The following DNAH6 variants were observed in gnomAD, a reference collection of about 807,000 sequenced individuals.
DNAH6 encodes the protein dynein axonemal heavy chain 6.
DNAH6 carries 340 observed loss-of-function variants against 491.4 expected under a neutral mutation model. The ratio of observed to expected loss-of-function variants is 0.69; its 90% CI spans 0.63 to 0.76. The LOEUF (loss-of-function observed/expected upper bound fraction) is 0.76, where lower values mean the gene tolerates loss of function less well. Ranked by LOEUF, DNAH6 falls within the 30% of genes least tolerant of loss-of-function variation. The probability of loss-of-function intolerance (pLI) is 0.00; values close to 1 mark genes in which losing one functional copy is unlikely to be tolerated. For missense variants in DNAH6, 4,443 were observed against 4,972.2 expected, an observed-to-expected ratio of 0.89 and a Z score of 3.20; for synonymous variants, 1,603 against 1,686.1, an observed-to-expected ratio of 0.95 and a Z score of 1.21.
chr2:84,645,173 A>T (rs1573342015), intron 33 of DNAH6, among the ~76,000 whole-genome samples: 1 of 151,996 alleles, frequency 6.6e-6, no homozygotes, highest in African/African-American at 2.4e-5. Flanking sequence ...TAATCCCAAC[A>T]CTTTGGGAGG....
intron 52 of DNAH6, 61 bp downstream of exon 52, chr2:84,705,808 A>G: frequency 6.7e-7 from 1 of 1,487,898 alleles, no homozygotes; most frequent in Admixed American, 2.4e-5. Flanking sequence ...AGTCATTTCA[A>G]GTTCTCTGTA....
At chr2:84,610,929 C>A (rs561323487) in intron 21 of DNAH6, among the ~76,000 whole-genome samples, 2 of 152,100 alleles carry the variant, frequency 1.3e-5, no homozygotes, top group African/African-American at 4.8e-5. Flanking sequence ...TGAGGAACCC[C>A]CAGAGAATGA....
At chr2:84,534,517 A>T (rs779127824) in intron 4 of DNAH6, among the ~76,000 whole-genome samples, 2 of 152,124 alleles carry the variant, frequency 1.3e-5, no homozygotes, top group Non-Finnish European at 2.9e-5. Flanking sequence ...AGACAAACTC[A>T]GTTTATCAGC....
intron 34 of DNAH6, among the ~76,000 whole-genome samples, chr2:84,654,439 T>G (rs1690753813): frequency 6.6e-6 from 1 of 152,164 alleles, no homozygotes; most frequent in Non-Finnish European, 1.5e-5. Flanking sequence ...AGTTTGACAG[T>G]ATCCTCCTGT....
chr2:84,744,731 C>T (rs1310691359), intron 62 of DNAH6, among the ~76,000 whole-genome samples: 1 of 151,870 alleles, frequency 6.6e-6, no homozygotes, highest in Non-Finnish European at 1.5e-5. Context: ...CTACTTTGTC[C>T]CATTTAATTA....
chr2:84,686,781 TG>T (rs1694299173), intron 44 of DNAH6, among the ~76,000 whole-genome samples: 1 of 152,248 alleles, frequency 6.6e-6, no homozygotes, highest in Non-Finnish European at 1.5e-5. Flanking sequence ...GATTTTTATA[TG>T]GTTGCTTTTG....
chr2:84,663,432 G>C (rs1248353445), intron 37 of DNAH6, among the ~76,000 whole-genome samples: 2 of 152,136 alleles, frequency 1.3e-5, no homozygotes, highest in South Asian at 4.1e-4. Flanking sequence ...ACCATGGCAC[G>C]AGAACTACGT....
Position 84,619,914 on chromosome 2 carries a change from T to A in DNAH6, c.3792+10T>A, listed in dbSNP as rs1489337700. The A allele has an allele frequency of 1.9e-5, 30 of 1,543,474 alleles. No homozygotes were observed. Among genetic ancestry groups the A allele is most frequent in the Non-Finnish European group, 2.5e-5 (29 of 1,140,288 alleles). ...ACCAGAGGGAGAAAGGGTGAGGTGC[T>A]TTTATTTATATTTCTTTATTGATGA... On this transcript the variant is annotated intron_variant, in intron 24 of 76. Coordinates refer to ENST00000389394, the MANE Select transcript of DNAH6 (RefSeq NM_001370.2).
At chr2:84,720,381 C>T (rs1463776101) in intron 59 of DNAH6, among the ~76,000 whole-genome samples, 1 of 147,220 alleles carries the variant, frequency 6.8e-6, no homozygotes, top group East Asian at 2.0e-4. Context: ...CGGGTTCACG[C>T]CATTCTCCTG....
At chr2:84,485,186 G>A in the DNAH6 span, among the ~76,000 whole-genome samples, 1 of 152,182 alleles carries the variant, frequency 6.6e-6, no homozygotes, top group Non-Finnish European at 1.5e-5. Flanking sequence ...TTTATGCCAT[G>A]ACAGTGATCA....
Position 84,619,845 on chromosome 2 carries a change from G to T in DNAH6, c.3733G>T (p.Glu1245Ter). Residue 1245 changes from glutamate (E) to a stop codon, truncating the protein, a stop_gained, in exon 24 of 77, where the codon GAA becomes TAA. Transcript: ENST00000389394. LOFTEE classifies it high-confidence loss of function. The part of the protein sequence containing the change: ...AEGKIPGIDG[E>*]PEKVYTNDIL... ...AGGAAAGATTCCTGGTATTGATGGA[G>T]AACCAGAAAAGGTTTATACTAATGA... is the stretch of plus-strand genomic sequence containing the variant. 6.4e-7 allele frequency: 1 copy of T among 1,551,398 alleles called. No individual in the cohort carries two copies. Among genetic ancestry groups the T allele is most frequent in the African/African-American group, 1.4e-5 (1 of 73,116 alleles).
At chr2:84,471,245 A>G in the DNAH6 span, among the ~76,000 whole-genome samples, 77 of 152,316 alleles carry the variant, frequency 5.1e-4, no homozygotes, top group African/African-American at 1.8e-3. Context: ...TATCATTATT[A>G]CTAGCATAAA....
upstream of DNAH6, among the ~76,000 whole-genome samples, chr2:84,514,663 ATT>A (rs1675465886): frequency 6.6e-6 from 1 of 152,178 alleles, no homozygotes; most frequent in African/African-American, 2.4e-5. Flanking sequence ...AAATGTAACA[ATT>A]ATCTATAAGA....
At chr2:84,667,006 C>G (rs997744973) in intron 37 of DNAH6, among the ~76,000 whole-genome samples, 3 of 152,164 alleles carry the variant, frequency 2.0e-5, no homozygotes, top group African/African-American at 7.2e-5. Flanking sequence ...AAACAATTCC[C>G]TATTTAATAA....
chr2:84,514,591 T>C (rs1299433748), upstream of DNAH6, among the ~76,000 whole-genome samples: 1 of 152,164 alleles, frequency 6.6e-6, no homozygotes, highest in Admixed American at 6.5e-5. Context: ...TTGTTAGCAG[T>C]ACTTAAGAAA....
chr2:84,624,195 G>T, intron 26 of DNAH6, 70 bp from the exon 27 acceptor site: 4 of 1,360,058 alleles, frequency 2.9e-6, no homozygotes, highest in Non-Finnish European at 3.9e-6. Flanking sequence ...AAATTGAATG[G>T]TGAAAGAGAT....
intron 54 of DNAH6, 114 bp from the exon 55 acceptor site, chr2:84,709,229 T>TG (rs1696809988): frequency 3.8e-6 from 4 of 1,047,050 alleles, no homozygotes; most frequent in Non-Finnish European, 5.6e-6. Context: ...CTGTGGAGAC[T>TG]GGGAGGGCTT....
chr2:84,479,904 C>T, the DNAH6 span, among the ~76,000 whole-genome samples: 9 of 152,344 alleles, frequency 5.9e-5, no homozygotes, highest in Admixed American at 2.0e-4. Context: ...TCAGCATTTT[C>T]GTGGCTTAAG....
intron 45 of DNAH6, among the ~76,000 whole-genome samples, chr2:84,691,278 A>C (rs976378283): frequency 2.6e-5 from 4 of 152,266 alleles, no homozygotes; most frequent in African/African-American, 9.6e-5. Flanking sequence ...AATAATGTAC[A>C]TGAAATAAGG....
Sources: gnomAD v4.1 joint callset for allele counts (sites outside exome capture counted in the v4.1 genomes callset) on GRCh38, gnomAD v4.1.1 for gene constraint, MANE v1.5 for transcripts, NCBI Gene and HGNC (gene_info 2026-07-23, HGNC 2026-07-21) for gene names.